FHIP2B: variants seen among roughly 807,000 people sequenced by gnomAD.
FHIP2B encodes the protein FHF complex subunit HOOK-interacting protein 2B.
FHIP2B carries 72 observed loss-of-function variants against 84.0 expected under a neutral mutation model. The ratio of observed to expected loss-of-function variants is 0.86; its 90% CI spans 0.71 to 1.04. The LOEUF is 1.04. Among genes scored for constraint, FHIP2B ranks in the 50% least tolerant of loss-of-function variants. The pLI, the probability that FHIP2B is intolerant of heterozygous loss-of-function variation, is 0.00. For missense variants in FHIP2B, 972 were observed against 968.9 expected (o/e 1.00, Z -0.04); for synonymous variants, 497 against 418.7 (o/e 1.19, Z -2.28).
chr8:22,090,384 C>A (rs755048170), intron 1 of FHIP2B, among the ~76,000 whole-genome samples: 1 of 152,170 alleles, frequency 6.6e-6, no homozygotes, highest in Non-Finnish European at 1.5e-5. Context: ...GGAAGAAAGT[C>A]AGAAACTATG....
rs931154459 is a variant in FHIP2B at position 22,104,225 on chromosome 8, C to T, written c.*1294C>T. On this transcript the variant is annotated 3_prime_UTR_variant, in exon 17 of 17. Coordinates refer to ENST00000289921, the MANE Select transcript of FHIP2B (RefSeq NM_022749.7). ...AACGTGGGTGTTGGTGTGGACGGGG[C>T]GCAGATCTCCGTGGATGAACTGCGT... is the stretch of plus-strand genomic sequence containing the variant. The T allele has an allele frequency of 2.0e-5, 3 of 152,250 alleles. No individual in the cohort carries two copies. The highest frequency in any genetic ancestry group is 4.8e-5 in the African/African-American group (2 of 41,376). 9.4% of individuals were successfully genotyped at this position (152,250 alleles called of 1,614,324 possible).
chr8:22,096,157 G>T, intron 2 of FHIP2B, 180 bp from the exon 3 acceptor site: 1 of 601,314 alleles, frequency 1.7e-6, no homozygotes, highest in Non-Finnish European at 2.9e-6. Context: ...AAGGACTTTT[G>T]TCTTCTTAAA....
rs559256330 is a variant in FHIP2B, at chr8:22,091,654, C to A, written c.45+2356C>A. Among the ~76,000 whole-genome samples, 3 of 152,304 alleles carry A rather than the reference C, an allele frequency of 2.0e-5. No individual in the cohort carries two copies. In the East Asian group the frequency reaches 5.8e-4, roughly 29 times the overall value. On this transcript the variant is annotated intron_variant, in intron 1 of 16. Transcript: ENST00000289921. Reference sequence around the variant, plus strand: ...AGATCACACACCTGTGTCACCAGCTCTCTAATGGCCTGTGCTGGTTAACCT... The same window carrying A: ...AGATCACACACCTGTGTCACCAGCTATCTAATGGCCTGTGCTGGTTAACCT...
In FHIP2B at chr8:22,097,952, C is replaced by T. The variant is rs1586330823; in HGVS notation, c.525+113C>T. On this transcript the variant is annotated intron_variant, in intron 5 of 16. Transcript: ENST00000289921. ...ATCAGGTACCCGGGAGGCACGCAGG[C>T]AGCTTCCCCTCCAGCTCCAGGCCGA... 3 of 1,544,162 alleles carry T rather than the reference C, an allele frequency of 1.9e-6. No homozygotes were observed. The East Asian group carries it at 6.9e-5, about 35-fold the overall frequency.
intron 2 of FHIP2B, chr8:22,095,596 C>A (rs1352614228): frequency 6.6e-6 from 1 of 152,268 alleles, no homozygotes; most frequent in East Asian, 1.9e-4. Context: ...GGGCTTCCCC[C>A]ATCCAGCCCT....
chr8:22,099,061 G>T lies in FHIP2B; in HGVS notation c.1074+5G>T. Reference sequence around the variant, plus strand: ...CTCATCACAGAGGCACACACGGTGAGCAGGGGCGGGCGGAGGCCGGGCTCT... The same window carrying T: ...CTCATCACAGAGGCACACACGGTGATCAGGGGCGGGCGGAGGCCGGGCTCT... On this transcript the variant is annotated splice_donor_5th_base_variant and intron_variant, in intron 8 of 16. Transcript: ENST00000289921. 1.3e-6 allele frequency: 2 copies of T among 1,585,804 alleles called. No homozygotes were observed. The highest frequency in any genetic ancestry group is 1.1e-5 in the South Asian group (1 of 87,434).
At chr8:22,100,298 C>T (rs927783012) in intron 10 of FHIP2B, 15 of 398,554 alleles carry the variant, frequency 3.8e-5, no homozygotes, top group African/African-American at 2.5e-4. Context: ...CGTACTACTT[C>T]GTGAGGTAGG....
In FHIP2B at chr8:22,100,673, G is replaced by A. The variant is rs755757323; in HGVS notation, c.1421G>A (p.Arg474His). ...HEGIIHSLVL[R>H]NLEGRPYVAW... ...GGGATCATCCACAGCCTGGTCCTGC[G>A]CAACCTTGAGGGCCGCCCTTACGTG... Residue 474 changes from arginine (R) to histidine (H), a missense_variant, in exon 11 of 17, where the codon CGC becomes CAC. Arg to His is a conservative substitution (Grantham distance 29, BLOSUM62 0). Coordinates refer to ENST00000289921, the MANE Select transcript of FHIP2B (RefSeq NM_022749.7). 8 of 1,606,992 alleles carry A rather than the reference G, an allele frequency of 5.0e-6. No homozygotes were observed. The highest frequency in any genetic ancestry group is 1.1e-5 in the South Asian group (1 of 90,246).
intron 1 of FHIP2B, among the ~76,000 whole-genome samples, chr8:22,091,567 G>A (rs1264687577): frequency 1.3e-5 from 2 of 152,184 alleles, no homozygotes; most frequent in East Asian, 3.9e-4. Flanking sequence ...TCGTTAAAGA[G>A]AAATTGTTGG....
intron 2 of FHIP2B, chr8:22,094,910 C>A: frequency 9.3e-7 from 1 of 1,075,916 alleles, no homozygotes; most frequent in Non-Finnish European, 1.1e-6. Context: ...ATTCCCCTTT[C>A]CCCTGAGCCA....
chr8:22,096,427 C>A lies in FHIP2B; in HGVS notation c.215C>A (p.Ala72Asp). ...ILVYEEQQQA[A>D]AGEAGPCLEY... ...GTGTATGAAGAGCAGCAGCAGGCGG[C>A]CGCGGGTGAGGCAGGGCCCTGCCTG... is the stretch of plus-strand genomic sequence containing the variant. The change falls in exon 3 of 17, where the codon GCC becomes GAC. Residue 72 changes from alanine (A) to aspartate (D), a missense_variant. Ala to Asp is a moderately radical substitution (Grantham distance 126, BLOSUM62 -2). Transcript: ENST00000289921. 1 of 1,556,078 alleles carries A rather than the reference C, an allele frequency of 6.4e-7. No individual in the cohort carries two copies. The highest frequency in any genetic ancestry group is 2.4e-5 in the East Asian group (1 of 41,312).
At chr8:22,097,899 C>T (rs921486641) in intron 5 of FHIP2B, 60 bp downstream of exon 5, 1 of 1,591,850 alleles carries the variant, frequency 6.3e-7, no homozygotes, top group Non-Finnish European at 8.6e-7. Flanking sequence ...CAAGCCCCCT[C>T]TGCCCTCCTG....
At chr8:22,101,657 G>A in intron 13 of FHIP2B, 51 bp from the exon 14 acceptor site, 5 of 1,570,476 alleles carry the variant, frequency 3.2e-6, no homozygotes, top group Non-Finnish European at 4.3e-6. Context: ...GGCCCTGTCT[G>A]CTGGTTCCCA....
At position 22,098,206 on chromosome 8, in the gene FHIP2B, G is replaced by A; in HGVS notation, c.664G>A (p.Ala222Thr). 1.9e-6 allele frequency: 3 copies of A among 1,581,656 alleles called. No individual in the cohort carries two copies. Among genetic ancestry groups the A allele is most frequent in the Non-Finnish European group, 2.6e-6 (3 of 1,164,534 alleles). ...CCAGCTGGACGGGGAGTCCTGTGGG[G>A]CCCAGGCCTTGAACAGCCACATGCC... ...RPQLDGESCGAQALNSHMPAE... is the reference protein window; with the variant it reads ...RPQLDGESCGTQALNSHMPAE... Residue 222 changes from alanine to threonine, a missense_variant, in exon 6 of 17, where the codon GCC (alanine) becomes ACC (threonine). Coordinates refer to ENST00000289921, the MANE Select transcript of FHIP2B (RefSeq NM_022749.7).
chr8:22,101,958 C>T (rs1826143478), intron 14 of FHIP2B, 107 bp downstream of exon 14: 3 of 1,512,006 alleles, frequency 2.0e-6, no homozygotes, highest in Middle Eastern at 1.7e-4. Flanking sequence ...TTTGGTGCCA[C>T]CCCTGTCCTT....
rs1826005696 is a variant in FHIP2B at position 22,099,834 on chromosome 8, G to C, written c.1282G>C (p.Asp428His). ...AGACCGGCAGCCTGAAGCCCCCGGG[G>C]ACAACCCCCACACCCTGTATGCTCA... ...GTDRQPEAPGDNPHTLYAHLI... is the reference protein window; with the variant it reads ...GTDRQPEAPGHNPHTLYAHLI... Residue 428 changes from aspartate (D) to histidine (H), a missense_variant, in exon 10 of 17, where the codon GAC becomes CAC. Asp to His is a moderately conservative substitution (Grantham distance 81). Coordinates refer to ENST00000289921, the MANE Select transcript of FHIP2B (RefSeq NM_022749.7). The C allele has an allele frequency of 6.2e-7, 1 of 1,613,270 alleles. No homozygotes were observed. The highest frequency in any genetic ancestry group is 2.2e-5 in the East Asian group (1 of 44,856).
Position 22,099,875 on chromosome 8 carries a change from T to G in FHIP2B, c.1323T>G (p.Cys441Trp). ...TGTATGCTCATCTCATCGGGCATTG[T>G]GACCACCTCTCTGATGAGGTACAGT... is the stretch of plus-strand genomic sequence containing the variant. ...HTLYAHLIGH[C>W]DHLSDEISIT... Residue 441 changes from cysteine to tryptophan, a missense_variant, in exon 10 of 17, where the codon TGT (cysteine) becomes TGG (tryptophan). Physicochemically the swap from Cys to Trp is radical, Grantham distance 215. Coordinates refer to ENST00000289921, the MANE Select transcript of FHIP2B (RefSeq NM_022749.7). 1 of 1,611,574 alleles carries G rather than the reference T, an allele frequency of 6.2e-7. No homozygotes were observed. The highest frequency in any genetic ancestry group is 8.5e-7 in the Non-Finnish European group (1 of 1,179,056).
At chr8:22,089,373 C>T (rs1825339938) in intron 1 of FHIP2B, 75 bp downstream of exon 1, 2 of 912,112 alleles carry the variant, frequency 2.2e-6, no homozygotes, top group Admixed American at 1.3e-4. Context: ...CGGAGCCGGG[C>T]GCGGCCCGCA....
intron 15 of FHIP2B, 81 bp downstream of exon 15, chr8:22,102,396 G>T (rs1826174174): frequency 6.9e-7 from 1 of 1,450,540 alleles, no homozygotes; most frequent in East Asian, 2.4e-5. Flanking sequence ...AGGTGGTTGG[G>T]GGCTGGAGGG....
Sources: gnomAD v4.1 joint callset for allele counts (sites outside exome capture counted in the v4.1 genomes callset) on GRCh38, gnomAD v4.1.1 for gene constraint, MANE v1.5 for transcripts, NCBI Gene and HGNC (gene_info 2026-07-23, HGNC 2026-07-21) for gene names.